The following FAF1 variants were observed in gnomAD, a reference collection of about 807,000 sequenced individuals.
FAF1 encodes the protein Fas associated factor 1, also known as FAS-associated factor 1.
A neutral mutation model predicts 92.5 loss-of-function variants in FAF1; 25 were observed. That is an observed-to-expected ratio of 0.27 (90% CI 0.20 to 0.38). The LOEUF is 0.38. Among genes scored for constraint, FAF1 ranks in the 10% least tolerant of loss-of-function variants. The pLI, the probability that FAF1 is intolerant of heterozygous loss-of-function variation, is 1.00. For synonymous variants in FAF1, 234 were observed against 273.2 expected (o/e 0.86, Z 1.42); for missense variants, 636 against 793.3 (o/e 0.80, Z 2.38).
chr1:50,573,979 A>AC (rs145341060), intron 12 of FAF1, among the ~76,000 whole-genome samples: 35,603 of 151,968 alleles, frequency 0.23, 4,566 homozygotes, highest in Middle Eastern at 0.43. Flanking sequence ...AATACAAAAA[A>AC]TTGGCTGGGT....
intron 13 of FAF1, among the ~76,000 whole-genome samples, chr1:50,548,270 A>G (rs1430880237): frequency 6.6e-6 from 1 of 152,184 alleles, no homozygotes; most frequent in Non-Finnish European, 1.5e-5. Flanking sequence ...CTAGTATATT[A>G]CTGGGGCCTA....
intron 1 of FAF1, among the ~76,000 whole-genome samples, chr1:50,939,974 G>T (rs769973697): frequency 1.3e-5 from 2 of 152,166 alleles, no homozygotes; most frequent in Admixed American, 6.5e-5. Flanking sequence ...GCAGTGGCAT[G>T]ATCTCAGCTC....
chr1:50,554,386 T>TAG (rs760933574), intron 13 of FAF1, among the ~76,000 whole-genome samples: 1,870 of 99,358 alleles, frequency 0.019, 33 homozygotes, highest in Admixed American at 0.047. Context: ...TATATATATA[T>TAG]ATATAGAGAG....
intron 2 of FAF1, among the ~76,000 whole-genome samples, chr1:50,806,108 T>C (rs911444109): frequency 6.6e-6 from 1 of 152,158 alleles, no homozygotes; most frequent in African/African-American, 2.4e-5. Flanking sequence ...AAAGTATTTA[T>C]AATACATGTA....
At chr1:50,833,696 C>CA (rs1371462282) in intron 2 of FAF1, among the ~76,000 whole-genome samples, 1 of 152,076 alleles carries the variant, frequency 6.6e-6, no homozygotes, top group African/African-American at 2.4e-5. Flanking sequence ...TCTAGAGGCC[C>CA]ACCAAGAGTA....
intron 6 of FAF1, among the ~76,000 whole-genome samples, chr1:50,735,915 C>T (rs928004326): frequency 3.9e-5 from 6 of 152,080 alleles, no homozygotes; most frequent in African/African-American, 1.2e-4. Flanking sequence ...GATACAGTCT[C>T]GCTATGTTCT....
chr1:50,763,369 T>A (rs1660436443), intron 4 of FAF1, among the ~76,000 whole-genome samples: 1 of 152,186 alleles, frequency 6.6e-6, no homozygotes, highest in Admixed American at 6.5e-5. Context: ...TTTTAACAAT[T>A]TGATAATGAT....
intron 1 of FAF1, among the ~76,000 whole-genome samples, chr1:50,865,285 C>G (rs1430503450): frequency 6.6e-6 from 1 of 151,946 alleles, no homozygotes; most frequent in African/African-American, 2.4e-5. Flanking sequence ...TGTGGCGATT[C>G]CTCAGGGATC....
At chr1:50,839,800 T>C (rs1301171954) in intron 2 of FAF1, among the ~76,000 whole-genome samples, 6 of 152,106 alleles carry the variant, frequency 3.9e-5, no homozygotes, top group African/African-American at 1.4e-4. Flanking sequence ...CATCCCAAGA[T>C]ACTTGAACAA....
chr1:50,683,502 G>C lies in FAF1; in HGVS notation c.657+22284C>G, dbSNP rs1169858685. Among the ~76,000 whole-genome samples, 3 of 151,566 alleles carry C rather than the reference G, an allele frequency of 2.0e-5. No homozygotes were observed. In the East Asian group the frequency reaches 5.8e-4, roughly 29 times the overall value. On this transcript the variant is annotated intron_variant, in intron 7 of 18. Transcript: ENST00000396153. Reference sequence around the variant, plus strand: ...AAATCGCGCCACTGCACTCCAGCCTGGGTGACAGAGTGAGACCCTGTCTCA... The same window carrying C: ...AAATCGCGCCACTGCACTCCAGCCTCGGTGACAGAGTGAGACCCTGTCTCA...
At chr1:50,653,477 AGT>A (rs774608587) in intron 8 of FAF1, among the ~76,000 whole-genome samples, 56 of 152,220 alleles carry the variant, frequency 3.7e-4, no homozygotes, top group Non-Finnish European at 6.0e-4. Context: ...TAGCCCCCCA[AGT>A]AGCTGGGATT....
intron 2 of FAF1, among the ~76,000 whole-genome samples, chr1:50,831,924 G>C (rs150375103): frequency 6.6e-6 from 1 of 151,990 alleles, no homozygotes; most frequent in South Asian, 2.1e-4. Flanking sequence ...AGATGAGCAG[G>C]AGCAATAGAG....
At chr1:50,949,802 T>C (rs1377009391) in intron 1 of FAF1, among the ~76,000 whole-genome samples, 3 of 152,190 alleles carry the variant, frequency 2.0e-5, no homozygotes, top group Non-Finnish European at 4.4e-5. Flanking sequence ...CTCTGGATTC[T>C]ATTTGGCCTG....
chr1:50,651,217 G>T (rs1245947024), intron 8 of FAF1, among the ~76,000 whole-genome samples: 1 of 152,126 alleles, frequency 6.6e-6, no homozygotes, highest in African/African-American at 2.4e-5. Flanking sequence ...TTACTGCAAA[G>T]TATTTCTCAT....
intron 12 of FAF1, among the ~76,000 whole-genome samples, chr1:50,574,898 CTTTTTTT>C (rs891527014): frequency 1.8e-4 from 13 of 71,446 alleles, no homozygotes; most frequent in East Asian, 1.3e-3. Flanking sequence ...TGTATTAACT[CTTTTTTT>C]TTTTTTTTTT....
intron 1 of FAF1, among the ~76,000 whole-genome samples, chr1:50,939,924 T>A (rs1234268533): frequency 6.6e-6 from 1 of 152,238 alleles, no homozygotes; most frequent in Non-Finnish European, 1.5e-5. Context: ...CTTGTTTTTT[T>A]CTTTAAGACA....
chr1:50,943,120 G>A (rs556741918), intron 1 of FAF1, among the ~76,000 whole-genome samples: 1 of 152,202 alleles, frequency 6.6e-6, no homozygotes, highest in Non-Finnish European at 1.5e-5. Context: ...TAACCATCTT[G>A]GCAGCTGATA....
intron 1 of FAF1, among the ~76,000 whole-genome samples, chr1:50,867,483 A>G (rs1644491209): frequency 6.6e-6 from 1 of 152,134 alleles, no homozygotes; most frequent in South Asian, 2.1e-4. Flanking sequence ...TCAAATCAGC[A>G]AGAAAAAAAC....
chr1:50,564,566 T>C (rs1265968250), intron 13 of FAF1, among the ~76,000 whole-genome samples: 1 of 152,110 alleles, frequency 6.6e-6, no homozygotes, highest in Non-Finnish European at 1.5e-5. Flanking sequence ...AGTCGTCTAC[T>C]GAATTGAGAG....
Sources: gnomAD v4.1 joint callset for allele counts (sites outside exome capture counted in the v4.1 genomes callset) on GRCh38, gnomAD v4.1.1 for gene constraint, MANE v1.5 for transcripts, NCBI Gene and HGNC (gene_info 2026-07-23, HGNC 2026-07-21) for gene names.